FCRL1: variants seen among roughly 807,000 people sequenced by gnomAD.
FCRL1 encodes Fc receptor-like protein 1.
A neutral mutation model predicts 49.2 loss-of-function variants in FCRL1; 34 were observed. The observed-to-expected ratio is 0.69, with a 90% CI of 0.53 to 0.92. The LOEUF (loss-of-function observed/expected upper bound fraction) is 0.92, where lower values mean the gene tolerates loss of function less well. FCRL1 is among the 40% of genes least tolerant of loss of function. FCRL1 has a pLI of 0.00. For synonymous variants in FCRL1, 218 were observed against 201.6 expected (o/e 1.08, Z -0.69); for missense variants, 524 against 524.1 (o/e 1.00, Z 0.00).
chr1:157,801,312 C>T, intron 6 of FCRL1, 149 bp downstream of exon 6: 1 of 649,584 alleles, frequency 1.5e-6, no homozygotes, highest in Non-Finnish European at 2.8e-6. Context: ...TTAATAGGCA[C>T]TGTTCCTACC....
rs576148171 is a variant in FCRL1 at position 157,809,805 on chromosome 1, T to C, written c.32-2683A>G. Among the ~76,000 whole-genome samples, 17 of 152,302 alleles carry C rather than the reference T, an allele frequency of 1.1e-4. No homozygotes were observed. The East Asian group carries it at 3.1e-3, about 28-fold the overall frequency. ...TGAGTGTGGTTGCATGTGTCTCTGG[T>C]TCCAGCTACTCAGGGAGCTGAGGCA... On this transcript the variant is annotated intron_variant, in intron 1 of 10. Transcript: ENST00000368176.
intron 7 of FCRL1, among the ~76,000 whole-genome samples, chr1:157,798,459 A>G (rs1428491074): frequency 1.3e-5 from 2 of 152,170 alleles, no homozygotes; most frequent in East Asian, 3.8e-4. Context: ...GGGTAACTCC[A>G]TGAGCGTAAG....
rs536688938 is a variant in FCRL1, at chr1:157,804,254, C to G, written c.53-143G>C. The G allele has an allele frequency of 1.5e-4, 144 of 937,694 alleles. 1 individual carries two copies. The highest frequency in any genetic ancestry group is 6.9e-4 in the Middle Eastern group (2 of 2,902). 58.1% of individuals were successfully genotyped at this position (937,694 alleles called of 1,614,324 possible). On this transcript the variant is annotated intron_variant, in intron 2 of 10. Coordinates refer to ENST00000368176, the MANE Select transcript of FCRL1 (RefSeq NM_052938.5). The stretch of plus-strand genomic sequence containing the variant: ...CCACCCTACATGTCTCCACCCCCCC[C>G]CCAGTGGCCCATGGGCTTTCCTTTG...
At chr1:157,797,013 T>G in intron 10 of FCRL1, 88 bp downstream of exon 10, 1 of 1,375,166 alleles carries the variant, frequency 7.3e-7, no homozygotes, top group South Asian at 1.2e-5. Flanking sequence ...ATTTTTGCTC[T>G]TTCTAAGTGG....
chr1:157,802,669 G>A lies in FCRL1; in HGVS notation c.320-5C>T, dbSNP rs774179699. On this transcript the variant is annotated splice_region_variant and splice_polypyrimidine_tract_variant and intron_variant, in intron 3 of 10. Coordinates refer to ENST00000368176, the MANE Select transcript of FCRL1 (RefSeq NM_052938.5). ...TCACATCAGCGACAGGGACCCCTGT[G>A]TGGACACAAGATGACATAGGAAGAC... 1.6e-5 allele frequency: 26 copies of A among 1,610,718 alleles called. No homozygotes were observed. The South Asian group carries it at 2.5e-4, about 16-fold the overall frequency.
chr1:157,799,981 G>A (rs1652168109), intron 7 of FCRL1, 77 bp downstream of exon 7: 6 of 1,405,572 alleles, frequency 4.3e-6, no homozygotes, highest in Non-Finnish European at 4.9e-6. Context: ...AAAATGCTCA[G>A]GAGAGAACAA....
chr1:157,796,415 T>C (rs1006774006), intron 10 of FCRL1, among the ~76,000 whole-genome samples: 1 of 152,266 alleles, frequency 6.6e-6, no homozygotes, highest in African/African-American at 2.4e-5. Context: ...CGCTCATTCT[T>C]ATGGGCCTTT....
intron 1 of FCRL1, among the ~76,000 whole-genome samples, chr1:157,818,571 G>C (rs74229860): frequency 0.16 from 24,040 of 151,950 alleles, 1,953 homozygotes; most frequent in East Asian, 0.23. Context: ...TATGGGGTGT[G>C]TGTCCAGAAT....
chr1:157,812,292 C>T (rs1404398431), intron 1 of FCRL1, among the ~76,000 whole-genome samples: 1 of 152,116 alleles, frequency 6.6e-6, no homozygotes, highest in Non-Finnish European at 1.5e-5. Flanking sequence ...CCCAATATTG[C>T]ACTGTTCCCT....
chr1:157,813,569 T>A (rs1468264697), intron 1 of FCRL1, among the ~76,000 whole-genome samples: 1 of 152,170 alleles, frequency 6.6e-6, no homozygotes, highest in Non-Finnish European at 1.5e-5. Flanking sequence ...TTTTCGAAAG[T>A]GAAGAAAGCC....
Position 157,802,637 on chromosome 1 carries a change from T to G in FCRL1, c.347A>C (p.Glu116Ala), listed in dbSNP as rs201342591. 2 of 1,613,634 alleles carry G rather than the reference T, an allele frequency of 1.2e-6. No individual in the cohort carries two copies. The highest frequency in any genetic ancestry group is 1.7e-6 in the Non-Finnish European group (2 of 1,179,822). ...HRVPVADVSL[E>A]TQPPGGQVME... The stretch of plus-strand genomic sequence containing the variant: ...CACCTGTCCTCCTGGGGGCTGAGTC[T>G]CCAAGCTCACATCAGCGACAGGGAC... The change falls in exon 4 of 11, where the codon GAG becomes GCG. Residue 116 changes from glutamate (E) to alanine (A), a missense_variant. Transcript: ENST00000368176.
chr1:157,817,675 G>A (rs1388611816), intron 1 of FCRL1, among the ~76,000 whole-genome samples: 4 of 151,972 alleles, frequency 2.6e-5, no homozygotes, highest in African/African-American at 7.3e-5. Context: ...ATAGACAAAC[G>A]GGATTACACA....
rs6681767 is a variant in FCRL1, at chr1:157,794,900, G to T, written c.*1199C>A. On this transcript the variant is annotated 3_prime_UTR_variant, in exon 11 of 11. Coordinates refer to ENST00000368176, the MANE Select transcript of FCRL1 (RefSeq NM_052938.5). Reference sequence around the variant, plus strand: ...AATAGATCTATTTACAGATTTGAAAGTATTTCATAATAGTTTGTTAGATAG... The same window carrying T: ...AATAGATCTATTTACAGATTTGAAATTATTTCATAATAGTTTGTTAGATAG... 1.3e-5 allele frequency: 2 copies of T among 152,068 alleles called. No individual in the cohort carries two copies. Among genetic ancestry groups the T allele is most frequent in the African/African-American group, 2.4e-5 (1 of 41,410 alleles). 9.4% of individuals were successfully genotyped at this position (152,068 alleles called of 1,614,324 possible). A position where few individuals can be genotyped will look rare whatever the true frequency, so the allele number is the denominator to read the frequency against.
In FCRL1 at chr1:157,804,249, C is replaced by CA. The variant is rs1491351208; in HGVS notation, c.53-139_53-138insT. 23 of 978,810 alleles carry CA rather than the reference C, an allele frequency of 2.3e-5. 1 individual carries two copies. The highest frequency in any genetic ancestry group is 3.2e-5 in the Non-Finnish European group (22 of 686,308). The allele number at this position is 978,810 out of a possible 1,614,324, so 60.6% of individuals were successfully genotyped here. A position where few individuals can be genotyped will look rare whatever the true frequency, so the allele number is the denominator to read the frequency against. Reference sequence around the variant, plus strand: ...ACAGGCCACCCTACATGTCTCCACCCCCCCCCCAGTGGCCCATGGGCTTTC... The same window carrying CA: ...ACAGGCCACCCTACATGTCTCCACCCACCCCCCCAGTGGCCCATGGGCTTTC... On this transcript the variant is annotated intron_variant, in intron 2 of 10. Coordinates refer to ENST00000368176, the MANE Select transcript of FCRL1 (RefSeq NM_052938.5).
chr1:157,799,923 C>T (rs1652155595), intron 7 of FCRL1, 135 bp downstream of exon 7: 1 of 503,138 alleles, frequency 2.0e-6, no homozygotes, highest in African/African-American at 2.0e-5. Flanking sequence ...TCAAAGTTGC[C>T]AGTGGGAGAA....
Position 157,795,274 on chromosome 1 carries a change from G to A in FCRL1, c.*825C>T, listed in dbSNP as rs1019502270. On this transcript the variant is annotated 3_prime_UTR_variant, in exon 11 of 11. Transcript: ENST00000368176. Reference sequence around the variant, plus strand: ...GCAGGCTGAGGTGAGAGGTTTGCTTGAGCCTGAGAGGCAGGCGTTGCAGTG... The same window carrying A: ...GCAGGCTGAGGTGAGAGGTTTGCTTAAGCCTGAGAGGCAGGCGTTGCAGTG... 1 of 152,172 alleles carries A rather than the reference G, an allele frequency of 6.6e-6. No homozygotes were observed. The highest frequency in any genetic ancestry group is 2.4e-5 in the African/African-American group (1 of 41,432). The allele number at this position is 152,172 out of a possible 1,614,324, so 9.4% of individuals were successfully genotyped here. A position where few individuals can be genotyped will look rare whatever the true frequency, so the allele number is the denominator to read the frequency against.
At chr1:157,802,263 A>C in intron 4 of FCRL1, 70 bp from the exon 5 acceptor site, 1 of 1,576,926 alleles carries the variant, frequency 6.3e-7, no homozygotes, top group South Asian at 1.2e-5. Flanking sequence ...CTGCCCACCG[A>C]TGCTCAGCCC....
intron 2 of FCRL1, among the ~76,000 whole-genome samples, chr1:157,806,269 A>G (rs1481509092): frequency 6.6e-6 from 1 of 152,200 alleles, no homozygotes; most frequent in Admixed American, 6.5e-5. Flanking sequence ...ATCTCTCTGA[A>G]TCTTTCTGGT....
intron 1 of FCRL1, 84 bp from the exon 2 acceptor site, chr1:157,807,206 A>C: frequency 2.8e-6 from 4 of 1,435,540 alleles, no homozygotes; most frequent in Non-Finnish European, 3.9e-6. Context: ...AGCTTCCCCA[A>C]CACCACACCC....
Sources: gnomAD v4.1 joint callset for allele counts (sites outside exome capture counted in the v4.1 genomes callset) on GRCh38, gnomAD v4.1.1 for gene constraint, MANE v1.5 for transcripts, NCBI Gene and HGNC (gene_info 2026-07-23, HGNC 2026-07-21) for gene names.